The following ERBB4 variants were observed in gnomAD, a reference collection of about 807,000 sequenced individuals.
The protein encoded by ERBB4 is receptor tyrosine-protein kinase erbB-4.
ERBB4 carries 42 observed loss-of-function variants against 158.0 expected under a neutral mutation model. The ratio of observed to expected loss-of-function variants is 0.27; its 90% CI spans 0.21 to 0.34. ERBB4 has a LOEUF of 0.34. Ranked by LOEUF, ERBB4 falls within the 10% of genes least tolerant of loss-of-function variation. ERBB4 has a pLI of 1.00. For missense variants in ERBB4, 1,333 were observed against 1,624.1 expected, an observed-to-expected ratio of 0.82 and a Z score of 3.08; for synonymous variants, 583 against 558.7, an observed-to-expected ratio of 1.04 and a Z score of -0.61.
chr2:211,649,760 A>G (rs2070914995), intron 16 of ERBB4, among the ~76,000 whole-genome samples: 1 of 151,972 alleles, frequency 6.6e-6, no homozygotes, highest in Non-Finnish European at 1.5e-5. Context: ...GGCTACAAGC[A>G]TTCAGAGTTT....
At chr2:212,497,731 TA>T (rs932333923) in intron 1 of ERBB4, among the ~76,000 whole-genome samples, 1 of 151,816 alleles carries the variant, frequency 6.6e-6, no homozygotes, top group African/African-American at 2.4e-5. Flanking sequence ...GTGAAAGAAA[TA>T]AAAAAAGATA....
At chr2:211,387,202 A>G in intron 26 of ERBB4, 52 bp from the exon 27 acceptor site, 1 of 1,345,954 alleles carries the variant, frequency 7.4e-7, no homozygotes, top group Non-Finnish European at 1.1e-6. Flanking sequence ...GAAATAGTTT[A>G]AAAATGAATG....
chr2:211,414,500 T>TAAAAAAAAA (rs71047174), intron 25 of ERBB4, among the ~76,000 whole-genome samples: 3 of 102,126 alleles, frequency 2.9e-5, no homozygotes, highest in African/African-American at 7.2e-5. Context: ...CAGTCTCAAT[T>TAAAAAAAAA]AAAAAAAAAA....
chr2:212,194,297 C>CAT lies in ERBB4; in HGVS notation c.83-69395_83-69394insAT, dbSNP rs1355349876. Among the ~76,000 whole-genome samples the CAT allele has an allele frequency of 3.3e-5, 5 of 151,136 alleles. No homozygotes were observed. The East Asian group carries it at 9.7e-4, about 29-fold the overall frequency. Reference sequence around the variant, plus strand: ...ATATAGTTTAAATAGTTTATACACACACACACACACACACACACACACTTT... The same window carrying CAT: ...ATATAGTTTAAATAGTTTATACACACATACACACACACACACACACACACTTT... On this transcript the variant is annotated intron_variant, in intron 1 of 27. Coordinates refer to ENST00000342788, the MANE Select transcript of ERBB4 (RefSeq NM_005235.3).
At chr2:211,445,188 G>A (rs2064080471) in intron 20 of ERBB4, among the ~76,000 whole-genome samples, 2 of 152,176 alleles carry the variant, frequency 1.3e-5, no homozygotes, top group Non-Finnish European at 2.9e-5. Flanking sequence ...AAAACAAATT[G>A]ACTTGATCAG....
intron 4 of ERBB4, among the ~76,000 whole-genome samples, chr2:211,762,105 A>C (rs774836798): frequency 2.1e-4 from 32 of 152,328 alleles, no homozygotes; most frequent in Non-Finnish European, 3.5e-4. Flanking sequence ...TTTTTCTTCC[A>C]TCGCAACACA....
At chr2:212,175,272 T>A (rs993366291) in intron 1 of ERBB4, among the ~76,000 whole-genome samples, 1 of 152,058 alleles carries the variant, frequency 6.6e-6, no homozygotes, top group African/African-American at 2.4e-5. Flanking sequence ...TGAATGAAGC[T>A]CACTTCTTTT....
intron 20 of ERBB4, among the ~76,000 whole-genome samples, chr2:211,541,147 T>C (rs1156566968): frequency 6.6e-6 from 1 of 151,948 alleles, no homozygotes; most frequent in South Asian, 2.1e-4. Flanking sequence ...TTTGATCAAA[T>C]ACAAAATTTT....
chr2:212,112,014 T>G (rs1021971077), intron 2 of ERBB4, among the ~76,000 whole-genome samples: 3 of 152,160 alleles, frequency 2.0e-5, no homozygotes, highest in African/African-American at 7.2e-5. Context: ...GTTTAATTCT[T>G]TTTTATTTTT....
intron 19 of ERBB4, among the ~76,000 whole-genome samples, chr2:211,606,671 AAGAG>A (rs1399236974): frequency 2.0e-5 from 3 of 152,164 alleles, no homozygotes; most frequent in Non-Finnish European, 2.9e-5. Flanking sequence ...CCAGTAAAAT[AAGAG>A]AATTCATAAA....
At chr2:211,880,626 T>C (rs1247509261) in intron 3 of ERBB4, among the ~76,000 whole-genome samples, 1 of 152,178 alleles carries the variant, frequency 6.6e-6, no homozygotes, top group Non-Finnish European at 1.5e-5. Flanking sequence ...GGATCTAGTC[T>C]GAGGCCCTAG....
In ERBB4 at chr2:211,554,991, G is replaced by A. The variant is rs548396927; in HGVS notation, c.2487+6912C>T. On this transcript the variant is annotated intron_variant, in intron 20 of 27. Coordinates refer to ENST00000342788, the MANE Select transcript of ERBB4 (RefSeq NM_005235.3). ...GCTTGCCCAACTTATTAGCAACAACGATAAAAGACGAAATTTTCATGATTT... is the reference window on the plus strand; with the variant it reads ...GCTTGCCCAACTTATTAGCAACAACAATAAAAGACGAAATTTTCATGATTT... 5.3e-5 allele frequency among the ~76,000 whole-genome samples: 8 copies of A among 152,234 alleles called. No homozygotes were observed. In the East Asian group the frequency reaches 9.7e-4, roughly 18 times the overall value.
At chr2:212,063,326 G>T (rs1017701083) in intron 2 of ERBB4, among the ~76,000 whole-genome samples, 4 of 152,024 alleles carry the variant, frequency 2.6e-5, no homozygotes, top group Admixed American at 2.6e-4. Context: ...TTTCAAAAAT[G>T]TGTATATCAT....
intron 1 of ERBB4, among the ~76,000 whole-genome samples, chr2:212,364,962 A>G (rs2089831813): frequency 6.6e-6 from 1 of 151,388 alleles, no homozygotes; most frequent in South Asian, 2.1e-4. Context: ...AACTGAATGA[A>G]TTATAGTCTC....
chr2:212,041,353 T>A (rs988588885), intron 2 of ERBB4, among the ~76,000 whole-genome samples: 5 of 151,874 alleles, frequency 3.3e-5, no homozygotes, highest in Non-Finnish European at 1.5e-5. Flanking sequence ...ATAAAAAAAA[T>A]TCAGGTTACC....
chr2:212,468,882 A>G (rs59796508), intron 1 of ERBB4, among the ~76,000 whole-genome samples: 2,688 of 152,312 alleles, frequency 0.018, 74 homozygotes, highest in African/African-American at 0.06. Flanking sequence ...TATCTGCCAC[A>G]TTACCAATTT....
At chr2:211,877,964 G>T (rs187333659) in intron 3 of ERBB4, among the ~76,000 whole-genome samples, 2 of 151,858 alleles carry the variant, frequency 1.3e-5, no homozygotes, top group Admixed American at 1.3e-4. Context: ...AAAAATTAGC[G>T]TGGCATGGTG....
chr2:211,794,714 C>T (rs939389107), intron 3 of ERBB4, among the ~76,000 whole-genome samples: 33 of 151,866 alleles, frequency 2.2e-4, no homozygotes, highest in African/African-American at 7.0e-4. Flanking sequence ...CATTGATATT[C>T]CCCGGAAAAA....
At chr2:211,784,166 A>G (rs907734154) in intron 4 of ERBB4, among the ~76,000 whole-genome samples, 2 of 152,214 alleles carry the variant, frequency 1.3e-5, no homozygotes, top group Non-Finnish European at 2.9e-5. Flanking sequence ...AGTAATGTTA[A>G]GTATATTCAC....
Sources: gnomAD v4.1 joint callset for allele counts (sites outside exome capture counted in the v4.1 genomes callset) on GRCh38, gnomAD v4.1.1 for gene constraint, MANE v1.5 for transcripts, NCBI Gene and HGNC (gene_info 2026-07-23, HGNC 2026-07-21) for gene names.